Variants in MOSMO observed in about 807,000 individuals in gnomAD.
The protein encoded by MOSMO is modulator of smoothened.
A neutral mutation model predicts 18.4 loss-of-function variants in MOSMO; 5 were observed. The ratio of observed to expected loss-of-function variants is 0.27; its 90% CI spans 0.14 to 0.57. MOSMO has a LOEUF of 0.57. Among genes scored for constraint, MOSMO ranks in the 20% least tolerant of loss-of-function variants. MOSMO has a pLI of 0.92. For synonymous variants in MOSMO, 82 were observed against 82.3 expected (o/e 1.00, Z 0.02); for missense variants, 138 against 211.8 (o/e 0.65, Z 2.16).
chr16:22,028,300 A>T (rs1458767847), intron 1 of MOSMO, among the ~76,000 whole-genome samples: 2 of 151,968 alleles, frequency 1.3e-5, no homozygotes, highest in African/African-American at 4.8e-5. Flanking sequence ...TTGTTTTATT[A>T]TAATCATTTC....
intron 1 of MOSMO, among the ~76,000 whole-genome samples, chr16:22,032,235 G>A (rs1225511766): frequency 6.8e-6 from 1 of 147,130 alleles, no homozygotes; most frequent in East Asian, 2.0e-4. Flanking sequence ...TGTCACCCTG[G>A]CTAGAGTGCA....
At position 22,083,763 on chromosome 16, in the gene MOSMO, A is replaced by C; in HGVS notation, c.*2883A>C. ...GGTTTTATTTGCACAAGACTGAATTAGTTTGACATTTTTGGAAGCTCCTAT... is the reference window on the plus strand; with the variant it reads ...GGTTTTATTTGCACAAGACTGAATTCGTTTGACATTTTTGGAAGCTCCTAT... On this transcript the variant is annotated 3_prime_UTR_variant, in exon 3 of 3. Transcript: ENST00000542527. The C allele has an allele frequency of 7.0e-6, 3 of 431,590 alleles. No individual in the cohort carries two copies. The highest frequency in any genetic ancestry group is 1.4e-5 in the Non-Finnish European group (3 of 219,786). 26.7% of individuals were successfully genotyped at this position (431,590 alleles called of 1,614,324 possible).
At chr16:22,022,216 C>T (rs976986180) in intron 1 of MOSMO, among the ~76,000 whole-genome samples, 4 of 151,610 alleles carry the variant, frequency 2.6e-5, no homozygotes, top group Admixed American at 6.6e-5. Flanking sequence ...AAAGTAGTCT[C>T]GCTATGTTGC....
chr16:22,085,049 A>G (rs891081719), downstream of MOSMO: 2 of 152,132 alleles, frequency 1.3e-5, no homozygotes, highest in African/African-American at 4.8e-5. Context: ...TTCTGTTTCT[A>G]CTTTACTCCA....
chr16:22,021,698 G>T (rs574391524), intron 1 of MOSMO, among the ~76,000 whole-genome samples: 4 of 151,936 alleles, frequency 2.6e-5, no homozygotes, highest in Admixed American at 6.6e-5. Context: ...CTCAGGAGGC[G>T]TAGGTGGGAG....
intron 1 of MOSMO, among the ~76,000 whole-genome samples, chr16:22,037,729 T>G (rs985326654): frequency 1.4e-4 from 22 of 152,172 alleles, no homozygotes; most frequent in Non-Finnish European, 2.9e-4. Flanking sequence ...ACTGGTTTAT[T>G]ATGAAGGATA....
intron 1 of MOSMO, among the ~76,000 whole-genome samples, chr16:22,063,002 GC>G (rs1165228822): frequency 2.0e-5 from 3 of 152,178 alleles, no homozygotes; most frequent in Non-Finnish European, 4.4e-5. Context: ...ACAGGCACAT[GC>G]CACCATTCCC....
intron 1 of MOSMO, among the ~76,000 whole-genome samples, chr16:22,055,793 G>T (rs1337184498): frequency 1.3e-5 from 2 of 152,300 alleles, no homozygotes; most frequent in East Asian, 3.9e-4. Flanking sequence ...CCCATATCAG[G>T]TTTTGTAATG....
At chr16:22,039,896 A>G (rs1483319336) in intron 1 of MOSMO, among the ~76,000 whole-genome samples, 1 of 152,096 alleles carries the variant, frequency 6.6e-6, no homozygotes, top group African/African-American at 2.4e-5. Flanking sequence ...TTGCTTATTA[A>G]TATGTTCACT....
chr16:22,016,711 C>T (rs1016078856), intron 1 of MOSMO, among the ~76,000 whole-genome samples: 2 of 152,102 alleles, frequency 1.3e-5, no homozygotes, highest in East Asian at 1.9e-4. Context: ...CTACTATTTA[C>T]GAGCCGTGTA....
Position 22,080,899 on chromosome 16 carries a change from GACTCT to G in MOSMO, c.*20_*24del. ...AGGCTGATGAATGTCTAAATTGCTTGACTCTTATTATTTTTTATTTTATTTTATTT... is the reference window on the plus strand; with the variant it reads ...AGGCTGATGAATGTCTAAATTGCTTGTATTATTTTTTATTTTATTTTATTT... On this transcript the variant is annotated 3_prime_UTR_variant, in exon 3 of 3. Transcript: ENST00000542527. 1 of 1,211,796 alleles carries G rather than the reference GACTCT, an allele frequency of 8.3e-7. No homozygotes were observed. Among genetic ancestry groups the G allele is most frequent in the Non-Finnish European group, 1.1e-6 (1 of 934,676 alleles). The allele number at this position is 1,211,796 out of a possible 1,614,324, so 75.1% of individuals were successfully genotyped here. A position where few individuals can be genotyped will look rare whatever the true frequency, so the allele number is the denominator to read the frequency against.
At chr16:22,068,044 A>G (rs1165450482) in intron 1 of MOSMO, among the ~76,000 whole-genome samples, 1 of 152,238 alleles carries the variant, frequency 6.6e-6, no homozygotes, top group Non-Finnish European at 1.5e-5. Flanking sequence ...AAGTGTGTCC[A>G]CAGGCTGAAA....
intron 1 of MOSMO, among the ~76,000 whole-genome samples, chr16:22,062,174 G>T (rs1424873041): frequency 1.3e-5 from 2 of 152,026 alleles, no homozygotes; most frequent in Admixed American, 6.6e-5. Flanking sequence ...ATGAATTCAT[G>T]ATTTTTCTTC....
chr16:22,065,846 C>G (rs1319311399), intron 1 of MOSMO, among the ~76,000 whole-genome samples: 2 of 152,114 alleles, frequency 1.3e-5, no homozygotes, highest in Non-Finnish European at 2.9e-5. Flanking sequence ...AGTTTAATTT[C>G]TGGAATGGCA....
chr16:22,066,265 C>T (rs901855536), intron 1 of MOSMO, among the ~76,000 whole-genome samples: 6 of 4,578 alleles, frequency 1.3e-3, no homozygotes, highest in Admixed American at 2.6e-3. Flanking sequence ...CTGTTCTATT[C>T]CTAGGCATTT....
At chr16:22,035,615 A>G (rs149817858) in intron 1 of MOSMO, among the ~76,000 whole-genome samples, 1 of 152,248 alleles carries the variant, frequency 6.6e-6, no homozygotes, top group Admixed American at 6.5e-5. Flanking sequence ...TTCCGCACCT[A>G]TAACTTGTGA....
rs1032732625 is a variant in MOSMO at position 22,083,329 on chromosome 16, T to C, written c.*2449T>C. 6.4e-6 allele frequency: 1 copy of C among 155,710 alleles called. No homozygotes were observed. The highest frequency in any genetic ancestry group is 1.4e-5 in the Non-Finnish European group (1 of 70,440). The allele number at this position is 155,710 out of a possible 1,614,324, so 9.6% of individuals were successfully genotyped here. A position where few individuals can be genotyped will look rare whatever the true frequency, so the allele number is the denominator to read the frequency against. On this transcript the variant is annotated 3_prime_UTR_variant, in exon 3 of 3. Transcript: ENST00000542527. Reference sequence around the variant, plus strand: ...ATTAAATTGTCTTTAATTTCATTGTTGTCTTGGAGGTCCAGTGCATACAGG... The same window carrying C: ...ATTAAATTGTCTTTAATTTCATTGTCGTCTTGGAGGTCCAGTGCATACAGG...
At chr16:22,026,242 A>G (rs1899874003) in intron 1 of MOSMO, among the ~76,000 whole-genome samples, 1 of 142,688 alleles carries the variant, frequency 7.0e-6, no homozygotes. Context: ...TTTTGGAGAC[A>G]GGATCTCACT....
At chr16:22,054,172 T>G (rs1010442763) in intron 1 of MOSMO, among the ~76,000 whole-genome samples, 3 of 151,968 alleles carry the variant, frequency 2.0e-5, no homozygotes, top group Non-Finnish European at 4.4e-5. Context: ...CTTAGCTCAC[T>G]GCAGTCTCGA....
Sources: gnomAD v4.1 joint callset for allele counts (sites outside exome capture counted in the v4.1 genomes callset) on GRCh38, gnomAD v4.1.1 for gene constraint, MANE v1.5 for transcripts, NCBI Gene and HGNC (gene_info 2026-07-23, HGNC 2026-07-21) for gene names.